Variants in RFXANK observed in about 807,000 individuals in gnomAD.
RFXANK encodes the protein DNA-binding protein RFXANK.
Under a neutral mutation model 34.5 loss-of-function variants are expected in RFXANK, and 19 were observed. The ratio of observed to expected loss-of-function variants is 0.55; its 90% CI spans 0.38 to 0.81. The LOEUF is 0.81. RFXANK is among the 30% of genes least tolerant of loss of function. The probability of loss-of-function intolerance (pLI) is 0.00; values close to 1 mark genes in which losing one functional copy is unlikely to be tolerated. For missense variants in RFXANK, 295 were observed against 343.5 expected (o/e 0.86, Z 1.12); for synonymous variants, 154 against 149.8 (o/e 1.03, Z -0.20).
Position 19,197,422 on chromosome 19 carries a change from CCTGT to C in RFXANK, c.338-96_338-93del, listed in dbSNP as rs2060619926. 6.9e-6 allele frequency: 9 copies of C among 1,311,764 alleles called. No homozygotes were observed. The South Asian group carries it at 8.6e-5, about 13-fold the overall frequency. 81.3% of individuals were successfully genotyped at this position (1,311,764 alleles called of 1,614,324 possible). Reference sequence around the variant, plus strand: ...ATCAACATACGCTCCCCCTCATTCCCCTGTCTAACCCCAGCCCCCCACCTCGTCC... The same window carrying C: ...ATCAACATACGCTCCCCCTCATTCCCCTAACCCCAGCCCCCCACCTCGTCC... On this transcript the variant is annotated intron_variant, in intron 5 of 9. Coordinates refer to ENST00000303088, the MANE Select transcript of RFXANK (RefSeq NM_003721.4).
intron 3 of RFXANK, among the ~76,000 whole-genome samples, chr19:19,195,321 C>T (rs1257022178): frequency 6.8e-6 from 1 of 147,120 alleles, no homozygotes; most frequent in East Asian, 2.0e-4. Flanking sequence ...CTCCTGGATC[C>T]CCTCTCTTCT....
At position 19,192,462 on chromosome 19, in the gene RFXANK, C is replaced by CA. The variant is rs1221004371; in HGVS notation, c.-237dup. On this transcript the variant is annotated 5_prime_UTR_variant, in exon 1 of 10. Coordinates refer to ENST00000303088, the MANE Select transcript of RFXANK (RefSeq NM_003721.4). The stretch of plus-strand genomic sequence containing the variant: ...CTCCACGCATTACCCACTCGGGCCG[C>CA]AAAAACTCCCTTCTTTAGCCCTCTG... The CA allele has an allele frequency of 1.6e-5, 6 of 386,892 alleles. No homozygotes were observed. Among genetic ancestry groups the CA allele is most frequent in the Admixed American group, 4.1e-5 (1 of 24,156 alleles). 24.0% of individuals were successfully genotyped at this position (386,892 alleles called of 1,614,324 possible). A position where few individuals can be genotyped will look rare whatever the true frequency, so the allele number is the denominator to read the frequency against.
chr19:19,192,478 T>G lies in RFXANK; in HGVS notation c.-226T>G. On this transcript the variant is annotated 5_prime_UTR_variant, in exon 1 of 10. Coordinates refer to ENST00000303088, the MANE Select transcript of RFXANK (RefSeq NM_003721.4). Reference sequence around the variant, plus strand: ...CTCGGGCCGCAAAAACTCCCTTCTTTAGCCCTCTGCCCCCGCCCTTGCTTA... The same window carrying G: ...CTCGGGCCGCAAAAACTCCCTTCTTGAGCCCTCTGCCCCCGCCCTTGCTTA... 4 of 322,662 alleles carry G rather than the reference T, an allele frequency of 1.2e-5. No homozygotes were observed. Among genetic ancestry groups the G allele is most frequent in the Non-Finnish European group, 2.3e-5 (4 of 170,620 alleles). 20.0% of individuals were successfully genotyped at this position (322,662 alleles called of 1,614,324 possible).
At chr19:19,195,325 C>G (rs1018902737) in intron 3 of RFXANK, among the ~76,000 whole-genome samples, 1 of 146,950 alleles carries the variant, frequency 6.8e-6, no homozygotes, top group African/African-American at 2.5e-5. Context: ...TGGATCCCCT[C>G]TCTTCTTGAG....
At chr19:19,199,601 C>G (rs1461690865) in intron 9 of RFXANK, among the ~76,000 whole-genome samples, 2 of 151,966 alleles carry the variant, frequency 1.3e-5, no homozygotes, top group East Asian at 1.9e-4. Context: ...GGGCCCAGCC[C>G]TGGGATGGGG....
At position 19,201,712 on chromosome 19, in the gene RFXANK, C is replaced by A. The variant is rs2060722349; in HGVS notation, c.776C>A (p.Pro259His). Reference sequence around the variant, plus strand: ...CAGAGCAACCTGGTGCCCGCTGACCCTGAGTGAAGGCCGCCTGCCGGGGAC... The same window carrying A: ...CAGAGCAACCTGGTGCCCGCTGACCATGAGTGAAGGCCGCCTGCCGGGGAC... ...LFQSNLVPAD[P>H]E Residue 259 changes from proline to histidine, a missense_variant, in exon 10 of 10, where the codon CCT becomes CAT. Transcript: ENST00000303088. 6.2e-7 allele frequency: 1 copy of A among 1,613,974 alleles called. No homozygotes were observed. The highest frequency in any genetic ancestry group is 8.5e-7 in the Non-Finnish European group (1 of 1,180,022).
In RFXANK at chr19:19,198,234, T is replaced by A; in HGVS notation, c.564+2T>A. 1 of 1,613,986 alleles carries A rather than the reference T, an allele frequency of 6.2e-7. No homozygotes were observed. Among genetic ancestry groups the A allele is most frequent in the African/African-American group, 1.3e-5 (1 of 74,984 alleles). On this transcript the variant is annotated splice_donor_variant, in intron 7 of 9. Coordinates refer to ENST00000303088, the MANE Select transcript of RFXANK (RefSeq NM_003721.4). LOFTEE classifies it high-confidence loss of function. ...GTGGACATCAACATCTATGATTGGG[T>A]GAGGGACTGCCCATCCCCAGGACCT...
rs1802498 is a variant in RFXANK at position 19,201,687 on chromosome 19, C to G, written c.751C>G (p.Gln251Glu). ...VIENHILKLFQSNLVPADPE is the reference protein window; with the variant it reads ...VIENHILKLFESNLVPADPE ...CGAGAACCACATCCTCAAGCTCTTC[C>G]AGAGCAACCTGGTGCCCGCTGACCC... The change falls in exon 10 of 10, where the codon CAG (glutamine) becomes GAG (glutamate). Residue 251 changes from glutamine to glutamate, a missense_variant. Transcript: ENST00000303088. The G allele has an allele frequency of 6.7e-3, 10,812 of 1,614,100 alleles. 837 individuals carry two copies. The East Asian group carries it at 0.19, about 28-fold the overall frequency.
Position 19,201,755 on chromosome 19 carries a change from A to G in RFXANK, c.*36A>G. 1 of 1,613,660 alleles carries G rather than the reference A, an allele frequency of 6.2e-7. No homozygotes were observed. Among genetic ancestry groups the G allele is most frequent in the Non-Finnish European group, 8.5e-7 (1 of 1,179,912 alleles). On this transcript the variant is annotated 3_prime_UTR_variant, in exon 10 of 10. Transcript: ENST00000303088. ...CCGGGGACTCAGACACTCAGGGAAC[A>G]AAATGGTCAGCCAGAGCTGGGGAAA...
At chr19:19,198,012 CAAAA>C (rs368350482) in intron 6 of RFXANK, 91 bp from the exon 7 acceptor site, 76 of 1,362,622 alleles carry the variant, frequency 5.6e-5, no homozygotes, top group Non-Finnish European at 5.9e-5. Context: ...ACTCTATCTC[CAAAA>C]AAAAAAAAAA....
At chr19:19,197,152 G>A in intron 4 of RFXANK, 34 bp from the exon 5 acceptor site, 1 of 1,613,604 alleles carries the variant, frequency 6.2e-7, no homozygotes. Context: ...GAAGCAAGGG[G>A]ATGAGTGAGG....
intron 6 of RFXANK, 39 bp downstream of exon 6, chr19:19,197,660 G>A: frequency 6.3e-7 from 1 of 1,581,794 alleles, no homozygotes; most frequent in South Asian, 1.1e-5. Context: ...GGGGTTCCCG[G>A]GGGCCTTAGG....
At position 19,196,942 on chromosome 19, in the gene RFXANK, C is replaced by T. The variant is rs200846454; in HGVS notation, c.188-21C>T. On this transcript the variant is annotated intron_variant, in intron 3 of 9. Transcript: ENST00000303088. ...GAGACATCTACTGAGGGGAAACTGA[C>T]GCCTGTTGTCTGTTTCCCAGCAGGC... 93 of 1,603,938 alleles carry T rather than the reference C, an allele frequency of 5.8e-5. No homozygotes were observed. The highest frequency in any genetic ancestry group is 4.7e-4 in the African/African-American group (35 of 74,918).
At position 19,193,860 on chromosome 19, in the gene RFXANK, C is replaced by G. The variant is rs1411565443; in HGVS notation, c.-8-79C>G. On this transcript the variant is annotated intron_variant, in intron 2 of 9. Coordinates refer to ENST00000303088, the MANE Select transcript of RFXANK (RefSeq NM_003721.4). ...GTTTACCCACCCTCACAGTGCAAGG[C>G]TAGGTATGCAGTCGGTGCCTACTTT... 8.1e-6 allele frequency: 12 copies of G among 1,482,098 alleles called. No homozygotes were observed. In the Admixed American group the frequency reaches 1.7e-4, roughly 21 times the overall value. 91.8% of individuals were successfully genotyped at this position (1,482,098 alleles called of 1,614,324 possible).
intron 5 of RFXANK, 58 bp downstream of exon 5, chr19:19,197,309 G>C: frequency 6.4e-7 from 1 of 1,554,638 alleles, no homozygotes. Flanking sequence ...GTGCATATGG[G>C]TGTCCATACC....
intron 9 of RFXANK, chr19:19,200,698 A>G (rs1367718326): frequency 6.6e-6 from 1 of 151,940 alleles, no homozygotes; most frequent in African/African-American, 2.4e-5. Context: ...ATCTCGGCTC[A>G]CTGCAACCTC....
chr19:19,192,517 C>A lies in RFXANK; in HGVS notation c.-187C>A. ...CGCCCTTGCTTATAAGCCTTTGAGA[C>A]CGCAGAAGGGACCTTGTTGTGGAAC... On this transcript the variant is annotated 5_prime_UTR_variant, in exon 1 of 10. Coordinates refer to ENST00000303088, the MANE Select transcript of RFXANK (RefSeq NM_003721.4). 1 of 224,748 alleles carries A rather than the reference C, an allele frequency of 4.4e-6. No individual in the cohort carries two copies. The highest frequency in any genetic ancestry group is 8.9e-6 in the Non-Finnish European group (1 of 111,822). 13.9% of individuals were successfully genotyped at this position (224,748 alleles called of 1,614,324 possible).
chr19:19,197,651 G>A (rs761209057), intron 6 of RFXANK, 30 bp downstream of exon 6: 2 of 1,592,652 alleles, frequency 1.3e-6, no homozygotes, highest in South Asian at 1.1e-5. Flanking sequence ...GGCAGCTGGG[G>A]GGTTCCCGGG....
At position 19,199,212 on chromosome 19, in the gene RFXANK, C is replaced by A; in HGVS notation, c.690C>A (p.Ala230=). 2 of 1,613,884 alleles carry A rather than the reference C, an allele frequency of 1.2e-6. No individual in the cohort carries two copies. The highest frequency in any genetic ancestry group is 1.7e-6 in the Non-Finnish European group (2 of 1,179,960). The change falls in exon 9 of 10, where the codon GCC becomes GCA. Residue 230 remains alanine (A), a synonymous_variant. Transcript: ENST00000303088. ...ADSGYTPMDL[A]VALGYRKVQQ... ...CTGGCTACACCCCGATGGACCTTGC[C>A]GTGGCCCTGGGATACCGGAAAGGTC...
Sources: allele counts gnomAD v4.1 joint callset (sites outside exome capture counted in the v4.1 genomes callset), GRCh38; gene constraint gnomAD v4.1.1; transcripts MANE v1.5; gene names NCBI Gene and HGNC (gene_info 2026-07-23, HGNC 2026-07-21).